MID1: variants seen among roughly 807,000 people sequenced by gnomAD.
MID1 encodes the protein midline 1, also known as E3 ubiquitin-protein ligase Midline-1.
In MID1, 7 loss-of-function variants were observed where a neutral mutation model predicts 40.4. That is an observed-to-expected ratio of 0.17 (90% CI 0.10 to 0.33). MID1 has a LOEUF of 0.33. MID1 is among the 10% of genes least tolerant of loss of function. The pLI, the probability that MID1 is intolerant of heterozygous loss-of-function variation, is 1.00. For synonymous variants in MID1, 229 were observed against 221.2 expected (o/e 1.04, Z -0.31); for missense variants, 367 against 558.5 (o/e 0.66, Z 3.46).
chrX:10,644,663 A>G (rs1936243123), intron 1 of MID1, among the ~76,000 whole-genome samples: 1 of 111,180 alleles, frequency 9.0e-6, no homozygotes, highest in South Asian at 3.8e-4. Flanking sequence ...TCTGGACTTG[A>G]TCAGTTCTTT....
chrX:10,500,631 T>G (rs2147329455), intron 3 of MID1, among the ~76,000 whole-genome samples: 1 of 112,489 alleles, frequency 8.9e-6, no homozygotes, highest in East Asian at 2.8e-4. Flanking sequence ...ACTTTCTCAT[T>G]AATTTCTATT....
intron 1 of MID1, among the ~76,000 whole-genome samples, chrX:10,679,782 G>A (rs940653948): frequency 5.4e-5 from 6 of 111,954 alleles, no homozygotes; most frequent in Non-Finnish European, 1.1e-4. Context: ...TCTCTGCCTC[G>A]TTACTTAGCT....
chrX:10,751,091 C>A (rs2043595178), intron 1 of MID1, among the ~76,000 whole-genome samples: 1 of 109,691 alleles, frequency 9.1e-6, no homozygotes. Context: ...ATGGCAAAAC[C>A]CCGTCTCTAC....
intron 1 of MID1, among the ~76,000 whole-genome samples, chrX:10,718,591 G>C (rs1457185466): frequency 9.0e-6 from 1 of 111,621 alleles, no homozygotes; most frequent in Non-Finnish European, 1.9e-5. Flanking sequence ...GGAACAGATG[G>C]ATTCACAGCC....
intron 1 of MID1, among the ~76,000 whole-genome samples, chrX:10,630,212 C>T (rs767885087): frequency 7.9e-4 from 88 of 111,925 alleles, no homozygotes; most frequent in Middle Eastern, 4.6e-3. Context: ...TAGACAAACA[C>T]ATCAACAAAT....
intron 4 of MID1, among the ~76,000 whole-genome samples, chrX:10,489,394 A>T (rs1482319087): frequency 6.2e-5 from 7 of 112,408 alleles, no homozygotes; most frequent in Non-Finnish European, 1.1e-4. Flanking sequence ...ATCAATTTTG[A>T]GTAAAGTCTT....
At chrX:10,463,568 G>A (rs1751305437) in intron 7 of MID1, among the ~76,000 whole-genome samples, 1 of 112,529 alleles carries the variant, frequency 8.9e-6, no homozygotes, top group African/African-American at 3.2e-5. Flanking sequence ...CTATCATGTA[G>A]ATAATCCTGG....
intron 1 of MID1, among the ~76,000 whole-genome samples, chrX:10,804,271 G>A (rs1395757231): frequency 2.7e-5 from 3 of 112,231 alleles, no homozygotes; most frequent in African/African-American, 9.7e-5. Flanking sequence ...TACCATATCT[G>A]AATCTGGTTC....
chrX:10,759,538 T>G (rs779163268), intron 1 of MID1, among the ~76,000 whole-genome samples: 1 of 111,052 alleles, frequency 9.0e-6, no homozygotes, highest in African/African-American at 3.3e-5. Context: ...TGCTTCTTCC[T>G]CTGCTCACCT....
At chrX:10,611,406 T>C (rs1160994028) in intron 1 of MID1, among the ~76,000 whole-genome samples, 1 of 112,203 alleles carries the variant, frequency 8.9e-6, no homozygotes, top group Non-Finnish European at 1.9e-5. Flanking sequence ...GGGAAAAATA[T>C]GCTAAGCCCG....
intron 1 of MID1, among the ~76,000 whole-genome samples, chrX:10,759,337 G>T (rs2147119145): frequency 8.9e-6 from 1 of 111,956 alleles, no homozygotes; most frequent in Admixed American, 9.4e-5. Flanking sequence ...CCTCTTGGTA[G>T]TGGGCCAAGT....
chrX:10,792,953 G>A (rs1255995623), intron 1 of MID1, among the ~76,000 whole-genome samples: 1 of 111,895 alleles, frequency 8.9e-6, no homozygotes, highest in Non-Finnish European at 1.9e-5. Context: ...TATCTTTCTG[G>A]AAGGCAGTTT....
intron 1 of MID1, among the ~76,000 whole-genome samples, chrX:10,833,201 A>G (rs368860717): frequency 2.7e-5 from 3 of 112,240 alleles, no homozygotes; most frequent in Non-Finnish European, 5.6e-5. Flanking sequence ...TAGATTTACT[A>G]TCACTTCCTT....
chrX:10,682,855 T>C (rs963084724), intron 1 of MID1, among the ~76,000 whole-genome samples: 1 of 111,823 alleles, frequency 8.9e-6, no homozygotes, highest in Non-Finnish European at 1.9e-5. Context: ...AGAAGTTATA[T>C]ATGGACAAAT....
At chrX:10,801,969 G>A (rs1362786939) in intron 1 of MID1, among the ~76,000 whole-genome samples, 1 of 110,850 alleles carries the variant, frequency 9.0e-6, no homozygotes, top group African/African-American at 3.3e-5. Flanking sequence ...AGATCACAAG[G>A]TCAGGAGATT....
intron 1 of MID1, among the ~76,000 whole-genome samples, chrX:10,733,026 G>A (rs781781000): frequency 1.3e-3 from 145 of 110,262 alleles, no homozygotes; most frequent in African/African-American, 4.2e-3. Flanking sequence ...ACTGCGCCCG[G>A]CTATTTTTTG....
intron 3 of MID1, among the ~76,000 whole-genome samples, chrX:10,516,603 TGTGTGTGCGCGC>T (rs1308299053): frequency 0.023 from 1,626 of 71,941 alleles, 50 homozygotes; most frequent in African/African-American, 0.095. Context: ...TGTGTGTGTG[TGTGTGTGCGCGC>T]GCGCACGCGT....
chrX:10,638,143 G>A (rs1936141887), intron 1 of MID1, among the ~76,000 whole-genome samples: 1 of 111,718 alleles, frequency 9.0e-6, no homozygotes, highest in Non-Finnish European at 1.9e-5. Flanking sequence ...TTCCAACTGA[G>A]GTACCAGGTT....
At chrX:10,467,797 C>T (rs972205393) in intron 7 of MID1, among the ~76,000 whole-genome samples, 3 of 111,947 alleles carry the variant, frequency 2.7e-5, no homozygotes, top group South Asian at 3.7e-4. Context: ...AGAACATGTG[C>T]TTTTTGGAGC....
Sources: gnomAD v4.1 joint callset for allele counts (sites outside exome capture counted in the v4.1 genomes callset) on GRCh38, gnomAD v4.1.1 for gene constraint, MANE v1.5 for transcripts, NCBI Gene and HGNC (gene_info 2026-07-23, HGNC 2026-07-21) for gene names.